The following SPOCK1 variants were observed in gnomAD, a reference collection of about 807,000 sequenced individuals.
The protein encoded by SPOCK1 is testican-1.
A neutral mutation model predicts 55.3 loss-of-function variants in SPOCK1; 23 were observed. That is an observed-to-expected ratio of 0.42 (90% CI 0.30 to 0.59). The LOEUF (loss-of-function observed/expected upper bound fraction) is 0.59. Ranked by LOEUF, SPOCK1 falls within the 20% of genes least tolerant of loss-of-function variation. The probability of loss-of-function intolerance (pLI) is 0.22; values close to 1 mark genes in which losing one functional copy is unlikely to be tolerated. For synonymous variants in SPOCK1, 226 were observed against 221.0 expected, an observed-to-expected ratio of 1.02 and a Z score of -0.20; for missense variants, 499 against 552.5, an observed-to-expected ratio of 0.90 and a Z score of 0.97.
At chr5:137,052,366 G>C (rs1561591794) in intron 6 of SPOCK1, among the ~76,000 whole-genome samples, 2 of 152,136 alleles carry the variant, frequency 1.3e-5, no homozygotes, top group African/African-American at 4.8e-5. Flanking sequence ...CCCACAAAGT[G>C]GAAAAATTCT....
intron 2 of SPOCK1, among the ~76,000 whole-genome samples, chr5:137,339,212 C>G (rs1419692185): frequency 6.6e-6 from 1 of 152,200 alleles, no homozygotes; most frequent in African/African-American, 2.4e-5. Context: ...TTTGGGAAAC[C>G]AGCTGTCCCC....
intron 2 of SPOCK1, among the ~76,000 whole-genome samples, chr5:137,439,267 T>C (rs951864047): frequency 6.6e-6 from 1 of 152,182 alleles, no homozygotes. Flanking sequence ...CTATGCCAGC[T>C]TCTGCCCTAA....
chr5:137,328,873 C>A (rs1008878474), intron 2 of SPOCK1, among the ~76,000 whole-genome samples: 15 of 152,148 alleles, frequency 9.9e-5, no homozygotes, highest in African/African-American at 3.1e-4. Flanking sequence ...TTGCTACCTG[C>A]AATTCTTTTG....
At chr5:137,220,490 G>C (rs966983241) in intron 3 of SPOCK1, among the ~76,000 whole-genome samples, 1 of 152,170 alleles carries the variant, frequency 6.6e-6, no homozygotes, top group African/African-American at 2.4e-5. Context: ...AAAGAGCCCT[G>C]TGAGGTTGTT....
chr5:136,978,936 C>A, intron 10 of SPOCK1, 92 bp from the exon 11 acceptor site: 2 of 1,345,676 alleles, frequency 1.5e-6, no homozygotes, highest in Admixed American at 2.7e-5. Flanking sequence ...AGGGTAAAAC[C>A]AAGCAGTTTA....
At chr5:137,061,437 G>GA (rs1469497835) in intron 6 of SPOCK1, among the ~76,000 whole-genome samples, 1 of 152,168 alleles carries the variant, frequency 6.6e-6, no homozygotes, top group South Asian at 2.1e-4. Flanking sequence ...TTTGAGAAAA[G>GA]AAAATCACTG....
intron 6 of SPOCK1, among the ~76,000 whole-genome samples, chr5:137,008,114 C>CA (rs1371561589): frequency 7.4e-5 from 4 of 54,078 alleles, no homozygotes; most frequent in Non-Finnish European, 1.0e-4. Context: ...ACAGGGAGGG[C>CA]AAAATCACAC....
intron 2 of SPOCK1, among the ~76,000 whole-genome samples, chr5:137,424,346 A>T (rs1341456385): frequency 6.6e-6 from 1 of 152,198 alleles, no homozygotes; most frequent in African/African-American, 2.4e-5. Context: ...ATGCCACTGC[A>T]CTCCAGCCTG....
intron 2 of SPOCK1, among the ~76,000 whole-genome samples, chr5:137,474,212 T>C (rs1178310474): frequency 6.6e-6 from 1 of 151,998 alleles, no homozygotes; most frequent in Non-Finnish European, 1.5e-5. Context: ...ATACCCCATA[T>C]AACTTATGGA....
At chr5:137,332,210 G>A (rs977361976) in intron 2 of SPOCK1, among the ~76,000 whole-genome samples, 1 of 150,948 alleles carries the variant, frequency 6.6e-6, no homozygotes, top group Admixed American at 6.6e-5. Flanking sequence ...CCTCTGTCTC[G>A]ACACTCCCCC....
intron 2 of SPOCK1, among the ~76,000 whole-genome samples, chr5:137,350,693 T>C (rs901807277): frequency 6.6e-6 from 1 of 152,080 alleles, no homozygotes; most frequent in African/African-American, 2.4e-5. Flanking sequence ...CCTCTTGTTT[T>C]CAGTGGAAGC....
rs934661435 is a variant in SPOCK1, at chr5:137,170,807, C to T, written c.233-30113G>A. 2.0e-5 allele frequency among the ~76,000 whole-genome samples: 3 copies of T among 152,140 alleles called. No homozygotes were observed. The South Asian group carries it at 6.2e-4, about 31-fold the overall frequency. ...CTCATTATATGGTATTTTGTTGTGG[C>T]AGCGCAAGATGACTAATGCAGGTGC... On this transcript the variant is annotated intron_variant, in intron 3 of 10. Coordinates refer to ENST00000394945, the MANE Select transcript of SPOCK1 (RefSeq NM_004598.4).
intron 2 of SPOCK1, among the ~76,000 whole-genome samples, chr5:137,475,663 G>C (rs1436328797): frequency 1.3e-5 from 2 of 151,924 alleles, no homozygotes; most frequent in Non-Finnish European, 2.9e-5. Flanking sequence ...GCTCACTGCA[G>C]CCTTGAACTC....
At chr5:137,103,306 A>G (rs1753306499) in intron 5 of SPOCK1, among the ~76,000 whole-genome samples, 1 of 152,136 alleles carries the variant, frequency 6.6e-6, no homozygotes, top group Non-Finnish European at 1.5e-5. Flanking sequence ...TTAATAATGT[A>G]ACTTTCCTAT....
chr5:137,134,072 T>C (rs1753934721), intron 4 of SPOCK1, among the ~76,000 whole-genome samples: 2 of 152,160 alleles, frequency 1.3e-5, no homozygotes, highest in Non-Finnish European at 2.9e-5. Context: ...GCAACAGGCA[T>C]GGACTCTGGA....
intron 3 of SPOCK1, among the ~76,000 whole-genome samples, chr5:137,218,918 C>A (rs947455741): frequency 2.0e-5 from 3 of 152,174 alleles, no homozygotes; most frequent in African/African-American, 7.2e-5. Flanking sequence ...AGGAAAAAAG[C>A]AGTGCCCAGG....
chr5:137,170,827 A>C (rs1754741907), intron 3 of SPOCK1, among the ~76,000 whole-genome samples: 1 of 152,192 alleles, frequency 6.6e-6, no homozygotes, highest in South Asian at 2.1e-4. Context: ...TGACTAATGC[A>C]GGTGCTACCA....
At chr5:137,479,239 G>T (rs189129073) in intron 2 of SPOCK1, among the ~76,000 whole-genome samples, 1 of 152,300 alleles carries the variant, frequency 6.6e-6, no homozygotes, top group Admixed American at 6.5e-5. Flanking sequence ...AATTCAAGAA[G>T]TCTAGCCAAA....
intron 2 of SPOCK1, among the ~76,000 whole-genome samples, chr5:137,455,426 T>A (rs751296643): frequency 3.3e-5 from 5 of 152,112 alleles, no homozygotes; most frequent in Non-Finnish European, 7.4e-5. Flanking sequence ...TCTCTCAGAA[T>A]ATCGAGCATG....
Sources: allele counts gnomAD v4.1 joint callset (sites outside exome capture counted in the v4.1 genomes callset), GRCh38; gene constraint gnomAD v4.1.1; transcripts MANE v1.5; gene names NCBI Gene and HGNC (gene_info 2026-07-23, HGNC 2026-07-21).